Variants in DNAH7 observed in about 807,000 individuals in gnomAD.
The protein encoded by DNAH7 is dynein axonemal heavy chain 7.
In DNAH7, 397 loss-of-function variants were observed where a neutral mutation model predicts 444.6. The observed-to-expected ratio is 0.89, with a 90% CI of 0.82 to 0.97. The LOEUF (loss-of-function observed/expected upper bound fraction) is 0.97. Among genes scored for constraint, DNAH7 ranks in the 50% least tolerant of loss-of-function variants. DNAH7 has a pLI of 0.00. For synonymous variants in DNAH7, 1,636 were observed against 1,624.4 expected, an observed-to-expected ratio of 1.01 and a Z score of -0.17; for missense variants, 4,902 against 4,800.8, an observed-to-expected ratio of 1.02 and a Z score of -0.62.
chr2:196,056,816 C>G (rs530697758), intron 2 of DNAH7, among the ~76,000 whole-genome samples: 4 of 152,350 alleles, frequency 2.6e-5, no homozygotes, highest in African/African-American at 9.6e-5. Flanking sequence ...TTTCAGATAA[C>G]TTGTGCACAG....
At chr2:195,852,909 C>G (rs1216284516) in intron 46 of DNAH7, among the ~76,000 whole-genome samples, 1 of 125,862 alleles carries the variant, frequency 7.9e-6, no homozygotes, top group Non-Finnish European at 1.7e-5. Context: ...CACACACACA[C>G]ACACACAGAG....
intron 19 of DNAH7, among the ~76,000 whole-genome samples, chr2:195,947,743 G>A (rs1689916323): frequency 6.6e-6 from 1 of 152,108 alleles, no homozygotes; most frequent in Admixed American, 6.5e-5. Context: ...GAATAGTGCT[G>A]CAATAAACAC....
intron 19 of DNAH7, among the ~76,000 whole-genome samples, chr2:195,939,968 A>G (rs1689311714): frequency 2.0e-5 from 3 of 152,186 alleles, no homozygotes; most frequent in African/African-American, 7.2e-5. Context: ...TATAGATTCA[A>G]TGCTATTCCC....
intron 34 of DNAH7, among the ~76,000 whole-genome samples, chr2:195,885,491 A>G (rs928769024): frequency 2.6e-5 from 4 of 152,224 alleles, no homozygotes; most frequent in Admixed American, 2.0e-4. Flanking sequence ...GTTTACTCAC[A>G]GACTTTCTCT....
intron 47 of DNAH7, among the ~76,000 whole-genome samples, chr2:195,841,009 T>C (rs148395728): frequency 6.1e-4 from 92 of 151,914 alleles, no homozygotes; most frequent in Non-Finnish European, 9.3e-4. Flanking sequence ...GTGAAAGATA[T>C]AATACCTGAC....
chr2:195,947,583 G>C (rs1212103358), intron 19 of DNAH7, among the ~76,000 whole-genome samples: 2 of 151,984 alleles, frequency 1.3e-5, no homozygotes, highest in Non-Finnish European at 2.9e-5. Context: ...TGAAAATGAT[G>C]GTTTCCAGCT....
chr2:195,746,974 G>A (rs1291998005), intron 63 of DNAH7, among the ~76,000 whole-genome samples: 1 of 151,898 alleles, frequency 6.6e-6, no homozygotes, highest in East Asian at 1.9e-4. Flanking sequence ...AAAGCTAGCA[G>A]AAGGCAAGAA....
intron 15 of DNAH7, among the ~76,000 whole-genome samples, chr2:195,977,690 C>T (rs1692296314): frequency 6.6e-6 from 1 of 152,060 alleles, no homozygotes; most frequent in African/African-American, 2.4e-5. Context: ...ACTACCTCAA[C>T]ATATTTAATA....
chr2:195,945,802 GA>G (rs1355016900), intron 19 of DNAH7, among the ~76,000 whole-genome samples: 1 of 152,188 alleles, frequency 6.6e-6, no homozygotes, highest in Admixed American at 6.6e-5. Context: ...AAAAATTTAA[GA>G]GTGTTTTTGT....
intron 15 of DNAH7, among the ~76,000 whole-genome samples, chr2:195,982,162 G>T (rs1332257593): frequency 6.6e-6 from 1 of 152,018 alleles, no homozygotes. Context: ...TGATGAAAAA[G>T]TGGGCAAATT....
intron 47 of DNAH7, among the ~76,000 whole-genome samples, chr2:195,836,016 A>C (rs569684770): frequency 6.6e-6 from 1 of 152,264 alleles, no homozygotes; most frequent in East Asian, 1.9e-4. Flanking sequence ...TGGACCCTGA[A>C]AGTCCAAGAC....
intron 12 of DNAH7, chr2:195,995,665 G>A (rs986125576): frequency 4.6e-6 from 1 of 217,476 alleles, no homozygotes; most frequent in Non-Finnish European, 9.3e-6. Flanking sequence ...ACCAGTGGGG[G>A]ACTAGGGAGA....
At position 195,923,633 on chromosome 2, in the gene DNAH7, C is replaced by A; in HGVS notation, c.3787G>T (p.Asp1263Tyr). 6.2e-7 allele frequency: 1 copy of A among 1,614,094 alleles called. No individual in the cohort carries two copies. The highest frequency in any genetic ancestry group is 8.5e-7 in the Non-Finnish European group (1 of 1,180,010). The change falls in exon 23 of 65, where the codon GAC (aspartate) becomes TAC (tyrosine). Residue 1263 changes from aspartate to tyrosine, a missense_variant. Asp to Tyr is a radical substitution (Grantham distance 160, BLOSUM62 -3). Transcript: ENST00000312428. ...LVKKNISDDS[D>Y]FEWLSQLRYY... ...CTAAGCTGACTTAACCATTCAAAGT[C>A]AGAGTCATCGCTAATATTTTTTTTT...
chr2:195,872,176 T>C, intron 40 of DNAH7, 74 bp downstream of exon 40: 2 of 1,192,826 alleles, frequency 1.7e-6, no homozygotes, highest in Non-Finnish European at 2.4e-6. Context: ...TGAAGAATAT[T>C]CTTTTTACCC....
chr2:195,822,964 AATTT>A (rs1408107052), intron 49 of DNAH7, among the ~76,000 whole-genome samples: 2 of 152,194 alleles, frequency 1.3e-5, no homozygotes, highest in Admixed American at 6.5e-5. Context: ...TATGCAGATT[AATTT>A]ATTTAATTCA....
Position 196,047,258 on chromosome 2 carries a change from C to G in DNAH7, c.398+94G>C, listed in dbSNP as rs1260787859. On this transcript the variant is annotated intron_variant, in intron 5 of 64. Transcript: ENST00000312428. ...TCATTCCAACAAGCCTTTGAGGCACCCTTAGAGATGCACAGAATTCTAATA... is the reference window on the plus strand; with the variant it reads ...TCATTCCAACAAGCCTTTGAGGCACGCTTAGAGATGCACAGAATTCTAATA... 18 of 1,181,502 alleles carry G rather than the reference C, an allele frequency of 1.5e-5. No individual in the cohort carries two copies. The South Asian group carries it at 3.7e-4, about 25-fold the overall frequency. The allele number at this position is 1,181,502 out of a possible 1,614,324, so 73.2% of individuals were successfully genotyped here.
chr2:195,749,445 C>T (rs973410878), intron 63 of DNAH7, among the ~76,000 whole-genome samples: 1 of 152,118 alleles, frequency 6.6e-6, no homozygotes, highest in Non-Finnish European at 1.5e-5. Flanking sequence ...GGTTCTAGAA[C>T]TAGAAATACC....
At chr2:196,030,064 T>C (rs749095985) in intron 5 of DNAH7, among the ~76,000 whole-genome samples, 1 of 152,158 alleles carries the variant, frequency 6.6e-6, no homozygotes, top group Non-Finnish European at 1.5e-5. Context: ...ATTAGTCCGT[T>C]TTCACACTGT....
chr2:195,788,562 A>G (rs1477651926), intron 57 of DNAH7, among the ~76,000 whole-genome samples: 3 of 152,188 alleles, frequency 2.0e-5, no homozygotes, highest in African/African-American at 7.2e-5. Flanking sequence ...AATAACTTTG[A>G]AAGGTAGAGT....
Sources: gnomAD v4.1 joint callset for allele counts (sites outside exome capture counted in the v4.1 genomes callset) on GRCh38, gnomAD v4.1.1 for gene constraint, MANE v1.5 for transcripts, NCBI Gene and HGNC (gene_info 2026-07-23, HGNC 2026-07-21) for gene names.